The following CADM2 variants were observed in gnomAD, a reference collection of about 807,000 sequenced individuals.
CADM2 encodes the protein cell adhesion molecule 2.
In CADM2, 12 loss-of-function variants were observed where a neutral mutation model predicts 49.8. That is an observed-to-expected ratio of 0.24 (90% CI 0.15 to 0.39). The LOEUF (loss-of-function observed/expected upper bound fraction) is 0.39, where lower values mean the gene tolerates loss of function less well. CADM2 is among the 10% of genes least tolerant of loss of function. CADM2 has a pLI of 1.00. For missense variants in CADM2, 378 were observed against 492.3 expected, an observed-to-expected ratio of 0.77 and a Z score of 2.20; for synonymous variants, 214 against 175.4, an observed-to-expected ratio of 1.22 and a Z score of -1.74.
intron 1 of CADM2, among the ~76,000 whole-genome samples, chr3:85,165,128 CTG>C (rs959048759): frequency 6.6e-6 from 1 of 151,782 alleles, no homozygotes; most frequent in African/African-American, 2.4e-5. Context: ...TTAATCATGA[CTG>C]TAATAAGCTA....
intron 1 of CADM2, among the ~76,000 whole-genome samples, chr3:85,510,004 A>C (rs1253134790): frequency 6.6e-6 from 1 of 152,040 alleles, no homozygotes; most frequent in African/African-American, 2.4e-5. Flanking sequence ...ACAGTCTACA[A>C]GTAATAAACA....
At chr3:85,477,267 CACACAT>C (rs1468355990) in intron 1 of CADM2, among the ~76,000 whole-genome samples, 107 of 150,618 alleles carry the variant, frequency 7.1e-4, no homozygotes, top group Middle Eastern at 3.4e-3. Flanking sequence ...CACACACACA[CACACAT>C]ACAGACACGT....
intron 1 of CADM2, among the ~76,000 whole-genome samples, chr3:85,207,701 T>G (rs2041681599): frequency 6.6e-6 from 1 of 152,168 alleles, no homozygotes; most frequent in Non-Finnish European, 1.5e-5. Context: ...TAAGTTCAGT[T>G]AAGGACATGA....
In CADM2 at chr3:85,543,421, T is replaced by TGTGTGTGGGG. The variant is rs1491106808; in HGVS notation, c.62-183094_62-183093insGGGGTGTGTG. ...AGGCACCGCCACCATGCCAAGCTAA[T>TGTGTGTGGGG]GTGTGTGTGTGTGTGTGTGTGTGTG... On this transcript the variant is annotated intron_variant, in intron 1 of 9. Coordinates refer to ENST00000383699, the MANE Select transcript of CADM2 (RefSeq NM_001167675.2). 1.5e-3 allele frequency among the ~76,000 whole-genome samples: 61 copies of TGTGTGTGGGG among 41,864 alleles called. 4 individuals are homozygous for TGTGTGTGGGG. The East Asian group carries it at 0.017, about 11-fold the overall frequency. 27.5% of individuals were successfully genotyped at this position (41,864 alleles called of 152,430 possible). A position where few individuals can be genotyped will look rare whatever the true frequency, so the allele number is the denominator to read the frequency against.
chr3:85,633,575 A>C (rs1034762931), intron 1 of CADM2, among the ~76,000 whole-genome samples: 2 of 152,036 alleles, frequency 1.3e-5, no homozygotes, highest in Non-Finnish European at 2.9e-5. Flanking sequence ...CAAGGGCATC[A>C]GTTTTCTTAA....
intron 1 of CADM2, among the ~76,000 whole-genome samples, chr3:85,222,490 A>C (rs2042064460): frequency 2.0e-5 from 3 of 152,038 alleles, no homozygotes; most frequent in African/African-American, 7.2e-5. Flanking sequence ...TGTTTCCTTC[A>C]CTCAGGATCA....
At chr3:85,403,590 T>A (rs992416033) in intron 1 of CADM2, among the ~76,000 whole-genome samples, 1 of 152,136 alleles carries the variant, frequency 6.6e-6, no homozygotes, top group Non-Finnish European at 1.5e-5. Context: ...ATAAGGCAGA[T>A]CTGGTCTTCA....
chr3:85,651,306 C>T (rs573112756), intron 1 of CADM2, among the ~76,000 whole-genome samples: 18 of 152,218 alleles, frequency 1.2e-4, no homozygotes, highest in Middle Eastern at 6.8e-3. Context: ...TTAAAGGTCA[C>T]TTAACAAGAG....
intron 1 of CADM2, among the ~76,000 whole-genome samples, chr3:85,458,039 C>T (rs1359591830): frequency 6.6e-6 from 1 of 152,120 alleles, no homozygotes; most frequent in Admixed American, 6.6e-5. Flanking sequence ...TTCCACAATT[C>T]AATCTCTGTT....
rs1252371134 is a variant in CADM2 at position 85,063,507 on chromosome 3, T to C, written c.61+103839T>C. 3.9e-5 allele frequency among the ~76,000 whole-genome samples: 6 copies of C among 152,082 alleles called. No individual in the cohort carries two copies. The East Asian group carries it at 1.2e-3, about 29-fold the overall frequency. ...AGCATAAATCTTACTATCAAACTTG[T>C]ATATTTTGAAACATCCAAGTATTTT... On this transcript the variant is annotated intron_variant, in intron 1 of 9. Coordinates refer to ENST00000383699, the MANE Select transcript of CADM2 (RefSeq NM_001167675.2).
intron 1 of CADM2, among the ~76,000 whole-genome samples, chr3:85,088,429 T>C (rs1366171571): frequency 6.6e-6 from 1 of 152,110 alleles, no homozygotes; most frequent in Admixed American, 6.6e-5. Context: ...CTTAAAAGTA[T>C]GCAACTCTTT....
chr3:85,222,327 G>A (rs2107794215), intron 1 of CADM2, among the ~76,000 whole-genome samples: 2 of 152,270 alleles, frequency 1.3e-5, no homozygotes, highest in Admixed American at 1.3e-4. Context: ...CATGGCAGGA[G>A]TATTAAGACA....
At chr3:85,539,207 G>A (rs1442189063) in intron 1 of CADM2, among the ~76,000 whole-genome samples, 1 of 150,424 alleles carries the variant, frequency 6.6e-6, no homozygotes, top group Non-Finnish European at 1.5e-5. Context: ...TCACAATTTT[G>A]CCAAGTAGAC....
chr3:85,388,962 G>A (rs956571467), intron 1 of CADM2, among the ~76,000 whole-genome samples: 3 of 152,036 alleles, frequency 2.0e-5, no homozygotes, highest in African/African-American at 7.2e-5. Context: ...ACCATCTGGG[G>A]GTATTGGATA....
intron 1 of CADM2, among the ~76,000 whole-genome samples, chr3:85,219,231 A>T (rs199589958): frequency 1.3e-5 from 2 of 152,346 alleles, no homozygotes; most frequent in East Asian, 3.9e-4. Context: ...ATTGTTTCCT[A>T]ATCAGAGAGC....
chr3:86,042,772 A>G (rs922396993), intron 8 of CADM2, among the ~76,000 whole-genome samples: 4 of 152,138 alleles, frequency 2.6e-5, no homozygotes, highest in Admixed American at 1.3e-4. Flanking sequence ...CAAAGACACA[A>G]CAAAAAATGA....
intron 1 of CADM2, among the ~76,000 whole-genome samples, chr3:85,257,061 T>C (rs72917158): frequency 0.068 from 10,292 of 152,122 alleles, 1,129 homozygotes; most frequent in African/African-American, 0.23. Context: ...TACTTAATCA[T>C]ATTTTATGAT....
At chr3:85,716,151 A>G (rs1235539838) in intron 1 of CADM2, among the ~76,000 whole-genome samples, 1 of 152,146 alleles carries the variant, frequency 6.6e-6, no homozygotes, top group East Asian at 1.9e-4. Flanking sequence ...ATTTCTCCAC[A>G]TCCTCTCCAG....
intron 1 of CADM2, among the ~76,000 whole-genome samples, chr3:85,712,449 C>T (rs1468730032): frequency 6.6e-6 from 1 of 152,132 alleles, no homozygotes; most frequent in Non-Finnish European, 1.5e-5. Flanking sequence ...ATAACTTTTT[C>T]TCAAGTGATC....
Sources: allele counts gnomAD v4.1 joint callset (sites outside exome capture counted in the v4.1 genomes callset), GRCh38; gene constraint gnomAD v4.1.1; transcripts MANE v1.5; gene names NCBI Gene and HGNC (gene_info 2026-07-23, HGNC 2026-07-21).